Variants in CCDC171 observed in about 807,000 individuals in gnomAD.
CCDC171 encodes coiled-coil domain-containing protein 171.
A neutral mutation model predicts 168.2 loss-of-function variants in CCDC171; 177 were observed. The observed-to-expected ratio is 1.05, with a 90% confidence interval of 0.93 to 1.19. The LOEUF is 1.19. Ranked by LOEUF, CCDC171 falls within the 50% of genes most tolerant of loss-of-function variation. CCDC171 has a pLI of 0.00. For synonymous variants in CCDC171, 687 were observed against 540.8 expected (o/e 1.27, Z -3.75); for missense variants, 1,991 against 1,539.0 (o/e 1.29, Z -4.91).
chr9:15,943,969 A>T (rs1828009808), intron 25 of CCDC171, among the ~76,000 whole-genome samples: 1 of 152,064 alleles, frequency 6.6e-6, no homozygotes, highest in Non-Finnish European at 1.5e-5. Context: ...AATTCCAGGC[A>T]GGGAGAACTA....
rs1554762137 is a variant in CCDC171, at chr9:15,691,542, T to TATATATATATATA, written c.1216-3693_1216-3692insATATATATATATA. Among the ~76,000 whole-genome samples, 451 of 112,672 alleles carry TATATATATATATA rather than the reference T, an allele frequency of 4.0e-3. 10 individuals carry two copies. The highest frequency in any genetic ancestry group is 0.014 in the South Asian group (48 of 3,424). 73.9% of individuals were successfully genotyped at this position (112,672 alleles called of 152,430 possible). On this transcript the variant is annotated intron_variant, in intron 10 of 25. Transcript: ENST00000380701. The stretch of plus-strand genomic sequence containing the variant: ...GATTAAAAATACCTGTAAATATATG[T>TATATATATATATA]TTTTTATATATATATATATATATAT...
At chr9:15,771,470 A>G (rs2057008733) in intron 18 of CCDC171, among the ~76,000 whole-genome samples, 1 of 152,144 alleles carries the variant, frequency 6.6e-6, no homozygotes, top group Non-Finnish European at 1.5e-5. Flanking sequence ...TTATAAGCCC[A>G]TTCATATTCT....
chr9:15,571,842 A>G (rs1184530859), intron 3 of CCDC171, 83 bp downstream of exon 3: 1 of 1,210,588 alleles, frequency 8.3e-7, no homozygotes, highest in Non-Finnish European at 1.2e-6. Context: ...CTCCATGTTT[A>G]ACCTTTATAA....
chr9:15,808,102 T>C (rs1588624620), intron 21 of CCDC171, among the ~76,000 whole-genome samples: 3 of 152,240 alleles, frequency 2.0e-5, no homozygotes, highest in Admixed American at 2.0e-4. Flanking sequence ...AGAAATCCAT[T>C]TCTCTTTGAT....
At chr9:15,608,678 G>C (rs1049668395) in intron 6 of CCDC171, among the ~76,000 whole-genome samples, 6 of 151,540 alleles carry the variant, frequency 4.0e-5, no homozygotes, top group Non-Finnish European at 7.4e-5. Context: ...TTGGCTGGGG[G>C]TGGTGGCTCC....
intron 21 of CCDC171, among the ~76,000 whole-genome samples, chr9:15,827,642 T>G (rs151337481): frequency 2.2e-4 from 33 of 152,314 alleles, no homozygotes; most frequent in African/African-American, 7.2e-4. Context: ...ATTAAAAGTT[T>G]CCATGTATCT....
At chr9:15,606,148 T>C (rs1382622534) in intron 6 of CCDC171, among the ~76,000 whole-genome samples, 2 of 152,208 alleles carry the variant, frequency 1.3e-5, no homozygotes, top group Admixed American at 6.5e-5. Context: ...TCTAAATATC[T>C]TATTGTACTG....
chr9:15,905,792 G>T (rs879845304), intron 24 of CCDC171, among the ~76,000 whole-genome samples: 4 of 152,140 alleles, frequency 2.6e-5, no homozygotes, highest in Admixed American at 2.0e-4. Flanking sequence ...TAATAAAGAA[G>T]AAAAGAGAGA....
chr9:15,797,139 G>A (rs1395673217), intron 21 of CCDC171, among the ~76,000 whole-genome samples: 1 of 152,142 alleles, frequency 6.6e-6, no homozygotes, highest in African/African-American at 2.4e-5. Context: ...GATTAATTAT[G>A]TTAATCATCT....
intron 6 of CCDC171, among the ~76,000 whole-genome samples, chr9:15,594,858 T>C (rs1474222120): frequency 1.3e-5 from 2 of 152,136 alleles, no homozygotes; most frequent in African/African-American, 4.8e-5. Context: ...TAAAGGAAAT[T>C]TGTGAAGGTA....
At chr9:15,585,824 A>G (rs898637499) in intron 4 of CCDC171, among the ~76,000 whole-genome samples, 1 of 152,076 alleles carries the variant, frequency 6.6e-6, no homozygotes, top group Non-Finnish European at 1.5e-5. Context: ...CTAAAAACAA[A>G]AACTAGCCAG....
At chr9:15,939,999 C>T (rs1827538896) in intron 25 of CCDC171, among the ~76,000 whole-genome samples, 1 of 151,764 alleles carries the variant, frequency 6.6e-6, no homozygotes, top group Admixed American at 6.6e-5. Flanking sequence ...AAATTTAAGA[C>T]TTGTTTTTGT....
chr9:15,935,050 T>A (rs1478741191), intron 25 of CCDC171, among the ~76,000 whole-genome samples: 1 of 152,072 alleles, frequency 6.6e-6, no homozygotes, highest in Non-Finnish European at 1.5e-5. Flanking sequence ...GGAATTTCAT[T>A]CTGGGGTGAT....
intron 25 of CCDC171, among the ~76,000 whole-genome samples, chr9:15,931,999 T>C (rs923745353): frequency 4.6e-5 from 7 of 152,010 alleles, no homozygotes; most frequent in African/African-American, 1.7e-4. Context: ...TTTTGCTTAC[T>C]ATAGCTTTGC....
intron 23 of CCDC171, among the ~76,000 whole-genome samples, chr9:15,869,886 G>A (rs2061960629): frequency 6.6e-6 from 1 of 151,750 alleles, no homozygotes; most frequent in Admixed American, 6.6e-5. Context: ...AGATTCTCTG[G>A]TGAGAGATAG....
intron 1 of CCDC171, among the ~76,000 whole-genome samples, chr9:15,555,929 C>T (rs959222724): frequency 4.6e-5 from 7 of 152,120 alleles, no homozygotes; most frequent in South Asian, 2.1e-4. Flanking sequence ...TGAGAACATG[C>T]GGTGTTTGGT....
At chr9:15,639,102 C>A (rs936905624) in intron 7 of CCDC171, among the ~76,000 whole-genome samples, 1 of 152,024 alleles carries the variant, frequency 6.6e-6, no homozygotes, top group Non-Finnish European at 1.5e-5. Flanking sequence ...TAAATGCGTA[C>A]TATCTTCAAC....
At chr9:15,851,710 A>G (rs185324473) in intron 23 of CCDC171, among the ~76,000 whole-genome samples, 1 of 152,032 alleles carries the variant, frequency 6.6e-6, no homozygotes, top group East Asian at 1.9e-4. Context: ...AAAGAAACCC[A>G]GTACCCAAGA....
the CCDC171 span, among the ~76,000 whole-genome samples, chr9:16,084,919 T>C: frequency 6.6e-6 from 1 of 152,226 alleles, no homozygotes; most frequent in Non-Finnish European, 1.5e-5. Flanking sequence ...CAAGGGGCCT[T>C]GACCAACTCA....
Sources: gnomAD v4.1 joint callset for allele counts (sites outside exome capture counted in the v4.1 genomes callset) on GRCh38, gnomAD v4.1.1 for gene constraint, MANE v1.5 for transcripts, NCBI Gene and HGNC (gene_info 2026-07-23, HGNC 2026-07-21) for gene names.